Variants in ITM2C observed in about 807,000 individuals in gnomAD.
ITM2C encodes BRICHOS domain containing 2C.
A neutral mutation model predicts 30.0 loss-of-function variants in ITM2C; 20 were observed. The ratio of observed to expected loss-of-function variants is 0.67; its 90% confidence interval spans 0.47 to 0.97. The LOEUF (loss-of-function observed/expected upper bound fraction) is 0.97. ITM2C is among the 50% of genes least tolerant of loss of function. The pLI, the probability that ITM2C is intolerant of heterozygous loss-of-function variation, is 0.00. For synonymous variants in ITM2C, 167 were observed against 156.4 expected (o/e 1.07, Z -0.51); for missense variants, 366 against 371.9 (o/e 0.98, Z 0.13).
intron 1 of ITM2C, among the ~76,000 whole-genome samples, chr2:230,868,227 G>A (rs1044112804): frequency 6.6e-6 from 1 of 152,152 alleles, no homozygotes; most frequent in Non-Finnish European, 1.5e-5. Context: ...GGATGGGGGT[G>A]GGGGCCAGCT....
rs1252640984 is a variant in ITM2C, at chr2:230,879,127, A to AG, written c.*1030dup. On this transcript the variant is annotated 3_prime_UTR_variant, in exon 6 of 6. Transcript: ENST00000326427. ...CCGTTCTCAGCCCTGAGCCTTGGAGAGGAGGGCTGTAACGCCTTCAGTCAG... is the reference window on the plus strand; with the variant it reads ...CCGTTCTCAGCCCTGAGCCTTGGAGAGGGAGGGCTGTAACGCCTTCAGTCAG... 1 of 152,480 alleles carries AG rather than the reference A, an allele frequency of 6.6e-6. No individual in the cohort carries two copies. The highest frequency in any genetic ancestry group is 6.5e-5 in the Admixed American group (1 of 15,272). 9.4% of individuals were successfully genotyped at this position (152,480 alleles called of 1,614,324 possible). A position where few individuals can be genotyped will look rare whatever the true frequency, so the allele number is the denominator to read the frequency against.
In ITM2C at chr2:230,877,584, T is replaced by C; in HGVS notation, c.712+34T>C. The C allele has an allele frequency of 1.2e-6, 2 of 1,610,494 alleles. No homozygotes were observed. The highest frequency in any genetic ancestry group is 1.7e-6 in the Non-Finnish European group (2 of 1,178,922). On this transcript the variant is annotated intron_variant, in intron 5 of 5. Coordinates refer to ENST00000326427, the MANE Select transcript of ITM2C (RefSeq NM_030926.6). The surrounding 1 kb of genome is among the most constrained non-coding windows in gnomAD (Gnocchi z 4.8). ...CTGGCTTCACCCACAGTAGCCCCTG[T>C]CCCGTGCCCCAGACCACAGTTATCT...
intron 2 of ITM2C, among the ~76,000 whole-genome samples, chr2:230,873,985 C>G (rs542809384): frequency 6.6e-6 from 1 of 152,326 alleles, no homozygotes; most frequent in Non-Finnish European, 1.5e-5. Context: ...GGGGTGGGTA[C>G]AGAGAGTCTC....
intron 1 of ITM2C, among the ~76,000 whole-genome samples, chr2:230,869,794 G>C (rs553218868): frequency 2.0e-4 from 30 of 152,184 alleles, no homozygotes; most frequent in Non-Finnish European, 3.8e-4. Context: ...ATCATTTAAT[G>C]AGTGCCCCTG....
intron 3 of ITM2C, 123 bp downstream of exon 3, chr2:230,875,931 G>C (rs1697285621): frequency 1.3e-6 from 1 of 763,752 alleles, no homozygotes; most frequent in East Asian, 2.6e-5. Context: ...AGGCTTACCA[G>C]GGTCTTCAAG....
chr2:230,869,548 C>T (rs187623426), intron 1 of ITM2C, among the ~76,000 whole-genome samples: 1 of 152,316 alleles, frequency 6.6e-6, no homozygotes, highest in Admixed American at 6.5e-5. Flanking sequence ...GAGACTGCCT[C>T]CCCAACCCCC....
rs1697007734 is a variant in ITM2C, at chr2:230,865,608, A to G, written c.120+463A>G. 1 of 28,606 alleles carries G rather than the reference A, an allele frequency of 3.5e-5. No homozygotes were observed. Among genetic ancestry groups the G allele is most frequent in the African/African-American group, 1.5e-4 (1 of 6,478 alleles). 1.8% of individuals were successfully genotyped at this position (28,606 alleles called of 1,614,324 possible). ...GCGGTGGGACCTGATTGGCTGGGGA[A>G]TTGGGGGTGGGGGGGTCTGGTACCA... On this transcript the variant is annotated intron_variant, in intron 1 of 5. Coordinates refer to ENST00000326427, the MANE Select transcript of ITM2C (RefSeq NM_030926.6). The surrounding 1 kb of genome is among the most constrained non-coding windows in gnomAD (Gnocchi z 6.8).
chr2:230,875,875 C>A, intron 3 of ITM2C, 67 bp downstream of exon 3: 5 of 1,280,280 alleles, frequency 3.9e-6, no homozygotes, highest in Non-Finnish European at 5.5e-6. Flanking sequence ...GCAAGGGGAG[C>A]AGGGATGAAA....
At chr2:230,873,188 G>A (rs1268394930) in intron 1 of ITM2C, 10 of 437,590 alleles carry the variant, frequency 2.3e-5, no homozygotes, top group Middle Eastern at 5.6e-4. Context: ...TTTCTCTTTC[G>A]AGGTGTGTCT....
intron 3 of ITM2C, 131 bp from the exon 4 acceptor site, chr2:230,876,726 C>T (rs559343204): frequency 5.0e-5 from 31 of 614,432 alleles, no homozygotes; most frequent in South Asian, 3.3e-4. Flanking sequence ...TTGATCCGCC[C>T]GCCTCAGCCT....
rs961218894 is a variant in ITM2C at position 230,865,009 on chromosome 2, C to T, written c.-17C>T. ...ACCGGCAGAGGCTGCGGGGCGGACGCGCGGGCCGGCGCAGCCATGGTGAAG... is the reference window on the plus strand; with the variant it reads ...ACCGGCAGAGGCTGCGGGGCGGACGTGCGGGCCGGCGCAGCCATGGTGAAG... On this transcript the variant is annotated 5_prime_UTR_variant, in exon 1 of 6. Coordinates refer to ENST00000326427, the MANE Select transcript of ITM2C (RefSeq NM_030926.6). This position sits in a 1 kb window ranked among gnomAD's most constrained non-coding sequence, Gnocchi z 6.8. 3 of 1,460,936 alleles carry T rather than the reference C, an allele frequency of 2.1e-6. No individual in the cohort carries two copies. Among genetic ancestry groups the T allele is most frequent in the African/African-American group, 1.5e-5 (1 of 68,924 alleles). The allele number at this position is 1,460,936 out of a possible 1,614,324, so 90.5% of individuals were successfully genotyped here. A position where few individuals can be genotyped will look rare whatever the true frequency, so the allele number is the denominator to read the frequency against.
chr2:230,866,898 C>A (rs1697041008), intron 1 of ITM2C, among the ~76,000 whole-genome samples: 3 of 152,192 alleles, frequency 2.0e-5, no homozygotes, highest in African/African-American at 7.2e-5. Context: ...GCGGCACATT[C>A]TCCAGCCGCA....
intron 1 of ITM2C, among the ~76,000 whole-genome samples, chr2:230,866,633 C>T (rs1365875880): frequency 6.6e-6 from 1 of 152,176 alleles, no homozygotes; most frequent in East Asian, 1.9e-4. Flanking sequence ...GTGGAGGGGG[C>T]GCTCCATATT....
At chr2:230,876,402 T>C (rs1344329225) in intron 3 of ITM2C, among the ~76,000 whole-genome samples, 2 of 152,094 alleles carry the variant, frequency 1.3e-5, no homozygotes, top group African/African-American at 4.8e-5. Flanking sequence ...CGCCCAGGTA[T>C]TGAGGAGTCT....
At chr2:230,866,267 T>C (rs1366399869) in intron 1 of ITM2C, among the ~76,000 whole-genome samples, 1 of 152,332 alleles carries the variant, frequency 6.6e-6, no homozygotes, top group African/African-American at 2.4e-5. Context: ...AAAGTCTTTG[T>C]CCACTGCTTC....
chr2:230,867,173 C>T (rs576664546), intron 1 of ITM2C, among the ~76,000 whole-genome samples: 41 of 152,268 alleles, frequency 2.7e-4, no homozygotes, highest in East Asian at 9.7e-4. Context: ...TAGGACTATG[C>T]GATCTGGGGA....
chr2:230,875,713 A>G lies in ITM2C; in HGVS notation c.355A>G (p.Lys119Glu). ...RTQMELEEDV[K>E]IYLDENYERI... is the part of the protein sequence containing the mutation. ...TCAGATGGAGCTGGAAGAGGATGTG[A>G]AAATCTACCTCGACGAGAACTACGA... The change falls in exon 3 of 6, where the codon AAA (lysine) becomes GAA (glutamate). Residue 119 changes from lysine (K) to glutamate (E), a missense_variant. Coordinates refer to ENST00000326427, the MANE Select transcript of ITM2C (RefSeq NM_030926.6). 1 of 1,613,830 alleles carries G rather than the reference A, an allele frequency of 6.2e-7. No homozygotes were observed. Among genetic ancestry groups the G allele is most frequent in the African/African-American group, 1.3e-5 (1 of 75,002 alleles).
chr2:230,868,259 C>G (rs886241181), intron 1 of ITM2C, among the ~76,000 whole-genome samples: 2 of 151,932 alleles, frequency 1.3e-5, no homozygotes, highest in Admixed American at 6.5e-5. Context: ...TGCCCGGCCT[C>G]CCCCCCTGGT....
intron 3 of ITM2C, among the ~76,000 whole-genome samples, chr2:230,876,177 C>T (rs1697292457): frequency 1.3e-5 from 2 of 152,188 alleles, no homozygotes; most frequent in African/African-American, 4.8e-5. Flanking sequence ...GACAGGGCAT[C>T]TCTCGCTGGG....
Sources: allele counts gnomAD v4.1 joint callset (sites outside exome capture counted in the v4.1 genomes callset), GRCh38; gene constraint gnomAD v4.1.1; non-coding constraint Gnocchi (gnomAD v3.1); transcripts MANE v1.5; gene names NCBI Gene and HGNC (gene_info 2026-07-23, HGNC 2026-07-21).